The following LIMCH1 variants were observed in gnomAD, a reference collection of about 807,000 sequenced individuals.
The protein encoded by LIMCH1 is LIM and calponin homology domains-containing protein 1.
Under a neutral mutation model 176.5 loss-of-function variants are expected in LIMCH1, and 113 were observed. That is an observed-to-expected ratio of 0.64 (90% confidence interval 0.55 to 0.75). LIMCH1 has a LOEUF of 0.75. Ranked by LOEUF, LIMCH1 falls within the 30% of genes least tolerant of loss-of-function variation. LIMCH1 has a pLI of 0.00. For missense variants in LIMCH1, 1,674 were observed against 1,814.9 expected, an observed-to-expected ratio of 0.92 and a Z score of 1.41; for synonymous variants, 619 against 645.9, an observed-to-expected ratio of 0.96 and a Z score of 0.63.
At chr4:41,628,240 T>C (rs903997969) in intron 8 of LIMCH1, among the ~76,000 whole-genome samples, 2 of 152,158 alleles carry the variant, frequency 1.3e-5, no homozygotes, top group African/African-American at 4.8e-5. Flanking sequence ...AATCAGCAAT[T>C]TGAGTCAGGA....
chr4:41,498,744 C>T (rs2072671159), intron 2 of LIMCH1, among the ~76,000 whole-genome samples: 1 of 152,210 alleles, frequency 6.6e-6, no homozygotes, highest in Admixed American at 6.5e-5. Flanking sequence ...TTCTCTACTT[C>T]CCTGCACATA....
intron 1 of LIMCH1, among the ~76,000 whole-genome samples, chr4:41,489,850 C>T (rs1170789195): frequency 6.6e-6 from 1 of 152,016 alleles, no homozygotes; most frequent in African/African-American, 2.4e-5. Context: ...TCCACAAAAA[C>T]TTTACTAGCA....
At chr4:41,572,411 A>G (rs1481762356) in intron 1 of LIMCH1, among the ~76,000 whole-genome samples, 1 of 148,892 alleles carries the variant, frequency 6.7e-6, no homozygotes, top group Non-Finnish European at 1.5e-5. Context: ...TTACAATACT[A>G]GTTTTTTTTA....
At chr4:41,513,172 C>G (rs2075139313) in intron 2 of LIMCH1, among the ~76,000 whole-genome samples, 1 of 152,030 alleles carries the variant, frequency 6.6e-6, no homozygotes, top group African/African-American at 2.4e-5. Context: ...TCATTAAGAT[C>G]AGAAATAGTA....
intron 1 of LIMCH1, among the ~76,000 whole-genome samples, chr4:41,450,964 T>C (rs2063808495): frequency 6.6e-6 from 1 of 152,130 alleles, no homozygotes; most frequent in Non-Finnish European, 1.5e-5. Flanking sequence ...GTGTAGAAGC[T>C]GAAATACTAT....
At chr4:41,366,809 T>C (rs1350024121) in intron 1 of LIMCH1, among the ~76,000 whole-genome samples, 1 of 152,192 alleles carries the variant, frequency 6.6e-6, no homozygotes, top group Non-Finnish European at 1.5e-5. Flanking sequence ...TCCAAAGAGA[T>C]GCCCATGCAT....
chr4:41,523,107 T>C (rs1330917016), intron 2 of LIMCH1, among the ~76,000 whole-genome samples: 3 of 152,130 alleles, frequency 2.0e-5, no homozygotes, highest in African/African-American at 7.2e-5. Context: ...TATGAATATA[T>C]GGTGGTATCA....
intron 1 of LIMCH1, among the ~76,000 whole-genome samples, chr4:41,421,989 A>G (rs1282501591): frequency 6.6e-6 from 1 of 151,958 alleles, no homozygotes; most frequent in Non-Finnish European, 1.5e-5. Context: ...AGGCTGAGGC[A>G]TGAGAATTGC....
At chr4:41,547,515 A>ATTTAAC (rs56084325) in intron 1 of LIMCH1, among the ~76,000 whole-genome samples, 40,020 of 150,524 alleles carry the variant, frequency 0.27, 8,824 homozygotes, top group African/African-American at 0.61. Flanking sequence ...TGGGCTAATA[A>ATTTAAC]TTTAAGTTTC....
chr4:41,384,144 C>A (rs556686708), intron 1 of LIMCH1, among the ~76,000 whole-genome samples: 1 of 151,496 alleles, frequency 6.6e-6, no homozygotes, highest in Non-Finnish European at 1.5e-5. Flanking sequence ...CTGCAGGGGG[C>A]TGAGCAGTGA....
intron 1 of LIMCH1, among the ~76,000 whole-genome samples, chr4:41,418,582 C>T (rs760780311): frequency 7.2e-5 from 11 of 152,206 alleles, no homozygotes; most frequent in Non-Finnish European, 1.6e-4. Flanking sequence ...GACAAGCCTC[C>T]GTGCCCGGCA....
chr4:41,667,670 A>G (rs537715274), intron 21 of LIMCH1, among the ~76,000 whole-genome samples: 19 of 152,130 alleles, frequency 1.2e-4, no homozygotes, highest in Admixed American at 2.0e-4. Context: ...TAAGAACCCA[A>G]TTTGAATCCC....
At chr4:41,496,173 G>A (rs760577841) in intron 2 of LIMCH1, among the ~76,000 whole-genome samples, 1 of 152,164 alleles carries the variant, frequency 6.6e-6, no homozygotes, top group Non-Finnish European at 1.5e-5. Flanking sequence ...AATTGAAGTG[G>A]GTCTTTGGTC....
At chr4:41,377,798 C>A (rs184262982) in intron 1 of LIMCH1, among the ~76,000 whole-genome samples, 1 of 152,188 alleles carries the variant, frequency 6.6e-6, no homozygotes, top group Non-Finnish European at 1.5e-5. Context: ...TCACTAGAGA[C>A]GGCCAAACTG....
At chr4:41,650,840 T>C (rs1000818866) in intron 18 of LIMCH1, among the ~76,000 whole-genome samples, 1 of 152,070 alleles carries the variant, frequency 6.6e-6, no homozygotes, top group African/African-American at 2.4e-5. Flanking sequence ...GCTCCCTCCA[T>C]TGGTCATGAG....
At chr4:41,425,504 A>T (rs2060998203) in intron 1 of LIMCH1, among the ~76,000 whole-genome samples, 1 of 151,948 alleles carries the variant, frequency 6.6e-6, no homozygotes. Context: ...GCACCACCAC[A>T]CCTGGCTAAT....
intron 20 of LIMCH1, among the ~76,000 whole-genome samples, chr4:41,663,694 C>T (rs190674462): frequency 1.3e-3 from 201 of 151,666 alleles, no homozygotes; most frequent in African/African-American, 4.5e-3. Context: ...ACCAGTTGTT[C>T]GCAACCTTGA....
intron 2 of LIMCH1, among the ~76,000 whole-genome samples, chr4:41,512,252 A>G (rs2075018818): frequency 1.3e-5 from 2 of 152,224 alleles, no homozygotes; most frequent in Admixed American, 6.5e-5. Context: ...GGAAGACAGT[A>G]AGAAGTGTGG....
At chr4:41,652,029 T>C (rs985007301) in intron 18 of LIMCH1, among the ~76,000 whole-genome samples, 7 of 152,190 alleles carry the variant, frequency 4.6e-5, no homozygotes, top group African/African-American at 1.7e-4. Flanking sequence ...GAGTTTCTGC[T>C]GTTCTAATTT....
Sources: gnomAD v4.1 joint callset for allele counts (sites outside exome capture counted in the v4.1 genomes callset) on GRCh38, gnomAD v4.1.1 for gene constraint, MANE v1.5 for transcripts, NCBI Gene and HGNC (gene_info 2026-07-23, HGNC 2026-07-21) for gene names.